Variants in MYCBP2 observed in about 807,000 individuals in gnomAD.
MYCBP2 encodes the protein MYC binding protein 2.
Under a neutral mutation model 525.3 loss-of-function variants are expected in MYCBP2, and 120 were observed. The ratio of observed to expected loss-of-function variants is 0.23; its 90% CI spans 0.20 to 0.27. The LOEUF (loss-of-function observed/expected upper bound fraction) is 0.27. MYCBP2 is among the 10% of genes least tolerant of loss of function. MYCBP2 has a pLI of 1.00. For missense variants in MYCBP2, 4,149 were observed against 5,657.1 expected (o/e 0.73, Z 8.55); for synonymous variants, 1,894 against 1,955.8 (o/e 0.97, Z 0.83).
intron 55 of MYCBP2, among the ~76,000 whole-genome samples, chr13:77,116,610 T>G (rs1488693671): frequency 6.6e-6 from 1 of 152,050 alleles, no homozygotes; most frequent in Non-Finnish European, 1.5e-5. Flanking sequence ...TAATTTCCAT[T>G]GCTGGACTAT....
intron 53 of MYCBP2, 134 bp downstream of exon 53, chr13:77,126,184 C>A: frequency 1.6e-6 from 1 of 643,310 alleles, no homozygotes; most frequent in Non-Finnish European, 2.6e-6. Flanking sequence ...TATGTATTTG[C>A]AATACAAGTA....
rs1382713792 is a variant in MYCBP2, at chr13:77,051,120, G to A, written c.13798C>T (p.Arg4600Cys). 4 of 1,612,468 alleles carry A rather than the reference G, an allele frequency of 2.5e-6. 1 individual carries two copies. In the Admixed American group the frequency reaches 5.1e-5, roughly 20 times the overall value. Residue 4600 changes from arginine (R) to cysteine (C), a missense_variant, in exon 82 of 83, where the codon CGC becomes TGC. Arg to Cys is a radical substitution (Grantham distance 180). This residue lies in a region of MYCBP2 where 45 missense variants were observed against 130.1 expected (regional missense o/e 0.35). Coordinates refer to ENST00000544440, the MANE Select transcript of MYCBP2 (RefSeq NM_015057.5). The part of the protein sequence containing the change: ...HGTDFLEYKC[R>C]YCCSVAVFFC... ...AAAACAGCCACTGAACAGCAGTAGCGACATTTATATTCCAAAAAGTCTGTG... is the reference window on the plus strand; with the variant it reads ...AAAACAGCCACTGAACAGCAGTAGCAACATTTATATTCCAAAAAGTCTGTG...
intron 14 of MYCBP2, among the ~76,000 whole-genome samples, chr13:77,252,174 C>G (rs908610123): frequency 6.6e-6 from 1 of 152,172 alleles, no homozygotes; most frequent in African/African-American, 2.4e-5. Flanking sequence ...ACCTACTATA[C>G]TCCAGGGATT....
rs1219338543 is a variant in MYCBP2 at position 77,117,424 on chromosome 13, T to C, written c.8140+3949A>G. On this transcript the variant is annotated intron_variant, in intron 55 of 82. Coordinates refer to ENST00000544440, the MANE Select transcript of MYCBP2 (RefSeq NM_015057.5). The stretch of plus-strand genomic sequence containing the variant: ...AAGGTGGATAAAGTAATGAATAATA[T>C]CATTTGCTAGCTACATACTAACCTA... Among the ~76,000 whole-genome samples the C allele has an allele frequency of 2.0e-5, 3 of 152,072 alleles. No homozygotes were observed. In the East Asian group the frequency reaches 5.8e-4, roughly 29 times the overall value.
In MYCBP2 at chr13:77,106,947, T is replaced by G. The variant is rs574415170; in HGVS notation, c.8141-7934A>C. On this transcript the variant is annotated intron_variant, in intron 55 of 82. Transcript: ENST00000544440. ...TATTGGCAAGAGCTTGAGGAGGTTTTATAAATAAGTCTTGTGACAATGGTC... is the reference window on the plus strand; with the variant it reads ...TATTGGCAAGAGCTTGAGGAGGTTTGATAAATAAGTCTTGTGACAATGGTC... 4.9e-4 allele frequency among the ~76,000 whole-genome samples: 74 copies of G among 152,340 alleles called. 1 individual carries two copies. Among genetic ancestry groups the G allele is most frequent in the African/African-American group, 1.8e-3 (73 of 41,600 alleles).
At chr13:77,054,191 GAA>G (rs2037394141) in intron 80 of MYCBP2, among the ~76,000 whole-genome samples, 1 of 152,150 alleles carries the variant, frequency 6.6e-6, no homozygotes. Flanking sequence ...GGGAGGTAGA[GAA>G]GAGCATCCTT....
intron 52 of MYCBP2, 33 bp downstream of exon 52, chr13:77,139,163 C>G (rs774696566): frequency 6.2e-7 from 1 of 1,605,500 alleles, no homozygotes; most frequent in Admixed American, 1.7e-5. Flanking sequence ...CAGCGTGTAT[C>G]TATAATGCTT....
At chr13:77,151,670 A>C (rs987054111) in intron 46 of MYCBP2, among the ~76,000 whole-genome samples, 2 of 152,230 alleles carry the variant, frequency 1.3e-5, no homozygotes, top group Non-Finnish European at 2.9e-5. Context: ...TTGTCTTATA[A>C]AAATACCTTT....
intron 23 of MYCBP2, among the ~76,000 whole-genome samples, chr13:77,208,745 T>C (rs1416324669): frequency 6.6e-6 from 1 of 152,162 alleles, no homozygotes; most frequent in East Asian, 1.9e-4. Flanking sequence ...AAGAAACAGA[T>C]ACAGAGTATG....
chr13:77,296,746 G>T, intron 1 of MYCBP2, 72 bp from the exon 2 acceptor site: 2 of 1,141,024 alleles, frequency 1.8e-6, no homozygotes, highest in African/African-American at 1.6e-5. Flanking sequence ...ATCAAAAATG[G>T]GTATTTCCAA....
chr13:77,064,764 G>A (rs2039932293), intron 72 of MYCBP2, 30 bp from the exon 73 acceptor site: 2 of 1,587,400 alleles, frequency 1.3e-6, no homozygotes, highest in Non-Finnish European at 1.7e-6. Flanking sequence ...ATTTTAATAA[G>A]TGACCAGAAA....
At chr13:77,276,691 C>G (rs1293718062) in intron 4 of MYCBP2, among the ~76,000 whole-genome samples, 2 of 151,438 alleles carry the variant, frequency 1.3e-5, no homozygotes, top group East Asian at 3.9e-4. Context: ...GAGATGAGGT[C>G]TCATTCTGTC....
At chr13:77,179,022 G>C (rs924202925) in intron 34 of MYCBP2, among the ~76,000 whole-genome samples, 3 of 152,182 alleles carry the variant, frequency 2.0e-5, no homozygotes, top group Non-Finnish European at 2.9e-5. Flanking sequence ...AACTTAGAAA[G>C]TGCTTCCCAG....
intron 1 of MYCBP2, among the ~76,000 whole-genome samples, chr13:77,297,573 A>G (rs1244666803): frequency 6.6e-6 from 1 of 152,188 alleles, no homozygotes; most frequent in Admixed American, 6.5e-5. Context: ...GTGACAAAAG[A>G]GAAAAATTTT....
chr13:77,222,360 A>G (rs1455892555), intron 20 of MYCBP2, among the ~76,000 whole-genome samples: 1 of 152,130 alleles, frequency 6.6e-6, no homozygotes, highest in Non-Finnish European at 1.5e-5. Flanking sequence ...TAGTTTTACA[A>G]ACCTCTTGAT....
Position 77,083,058 on chromosome 13 carries a change from G to A in MYCBP2, c.11010C>T (p.Gly3670=), listed in dbSNP as rs1566441676. ...TCAGGGCCATTTGCTGTAATGAACT[G>A]CCGCTGGGGAGAGACATCATAAGGT... is the stretch of plus-strand genomic sequence containing the variant. ...ISDLMMSLPS[G]SSLQQMALRC... is the part of the protein sequence containing the mutation. Residue 3670 remains glycine, a synonymous_variant, in exon 63 of 83, where the codon GGC becomes GGT. Transcript: ENST00000544440. The A allele has an allele frequency of 6.2e-7, 1 of 1,613,274 alleles. No homozygotes were observed. Among genetic ancestry groups the A allele is most frequent in the South Asian group, 1.1e-5 (1 of 91,014 alleles).
chr13:77,063,017 TTTAA>T (rs2039582178), intron 73 of MYCBP2, among the ~76,000 whole-genome samples: 1 of 152,226 alleles, frequency 6.6e-6, no homozygotes, highest in Non-Finnish European at 1.5e-5. Context: ...AATTGGCATA[TTTAA>T]TATTTACTAC....
chr13:77,102,475 A>G (rs889258627), intron 55 of MYCBP2, among the ~76,000 whole-genome samples: 3 of 151,550 alleles, frequency 2.0e-5, no homozygotes, highest in African/African-American at 7.2e-5. Flanking sequence ...TAAATACAAG[A>G]TTTTAAAAGA....
chr13:77,059,120 T>TGAAC (rs1458365445), intron 77 of MYCBP2, among the ~76,000 whole-genome samples: 1 of 150,604 alleles, frequency 6.6e-6, no homozygotes, highest in Non-Finnish European at 1.5e-5. Flanking sequence ...TTCTTATTAA[T>TGAAC]TGAGAAACCA....
Sources: allele counts gnomAD v4.1 joint callset (sites outside exome capture counted in the v4.1 genomes callset), GRCh38; gene constraint gnomAD v4.1.1; regional missense constraint gnomAD v4.1.1; transcripts MANE v1.5; gene names NCBI Gene and HGNC (gene_info 2026-07-23, HGNC 2026-07-21).